The following CNTN1 variants were observed in gnomAD, a reference collection of about 807,000 sequenced individuals.
The protein encoded by CNTN1 is contactin 1.
A neutral mutation model predicts 126.4 loss-of-function variants in CNTN1; 38 were observed. The ratio of observed to expected loss-of-function variants is 0.30; its 90% confidence interval spans 0.23 to 0.39. The LOEUF is 0.39. Among genes scored for constraint, CNTN1 ranks in the 10% least tolerant of loss-of-function variants. CNTN1 has a pLI of 1.00. For synonymous variants in CNTN1, 413 were observed against 422.6 expected (o/e 0.98, Z 0.28); for missense variants, 1,009 against 1,248.4 (o/e 0.81, Z 2.89).
At chr12:41,024,950 C>T (rs1036090679) in intron 20 of CNTN1, among the ~76,000 whole-genome samples, 200 bp from the exon 21 acceptor site, 6 of 151,748 alleles carry the variant, frequency 4.0e-5, no homozygotes, top group Non-Finnish European at 5.9e-5. Context: ...GACTTTGATT[C>T]GCTTTTGGCA....
intron 1 of CNTN1, among the ~76,000 whole-genome samples, chr12:40,797,735 TA>T (rs564588346): frequency 1.3e-5 from 2 of 152,032 alleles, no homozygotes; most frequent in Non-Finnish European, 2.9e-5. Context: ...TGGCTTGGAC[TA>T]GGTTAATGGC....
At chr12:40,769,576 CAGCAATGTGAGGGCTTAT>C (rs1390117939) in intron 1 of CNTN1, among the ~76,000 whole-genome samples, 1 of 152,074 alleles carries the variant, frequency 6.6e-6, no homozygotes, top group African/African-American at 2.4e-5. Flanking sequence ...AGGAAACAAC[CAGCAATGTGAGGGCTTAT>C]TTAGTTAGAT....
intron 1 of CNTN1, among the ~76,000 whole-genome samples, chr12:40,701,425 G>T (rs1941592831): frequency 6.6e-6 from 1 of 151,836 alleles, no homozygotes; most frequent in Non-Finnish European, 1.5e-5. Context: ...CTCTCCTAAG[G>T]CTTCTAATCT....
intron 14 of CNTN1, among the ~76,000 whole-genome samples, chr12:40,956,062 C>T (rs566820282): frequency 6.6e-6 from 1 of 152,204 alleles, no homozygotes; most frequent in South Asian, 2.1e-4. Flanking sequence ...TTAGTAAATG[C>T]TGTCACTGTC....
At chr12:40,749,548 G>GTGCAGGGCTTCAGTGAAGCGGT (rs1555150237) in intron 1 of CNTN1, among the ~76,000 whole-genome samples, 5 of 143,806 alleles carry the variant, frequency 3.5e-5, no homozygotes, top group South Asian at 2.2e-4. Context: ...ACTAGGGTGA[G>GTGCAGGGCTTCAGTGAAGCGGT]GTCATAAAGA....
chr12:40,760,853 A>ACACT (rs1004424069), intron 1 of CNTN1, among the ~76,000 whole-genome samples: 3 of 151,470 alleles, frequency 2.0e-5, no homozygotes, highest in Non-Finnish European at 4.4e-5. Context: ...ACACACACAC[A>ACACT]CACTTCCACT....
chr12:40,930,639 A>G (rs547136225), intron 7 of CNTN1, among the ~76,000 whole-genome samples: 29 of 151,878 alleles, frequency 1.9e-4, no homozygotes, highest in African/African-American at 5.8e-4. Context: ...CTTACTTTAC[A>G]TTATTTCTAT....
intron 1 of CNTN1, among the ~76,000 whole-genome samples, chr12:40,708,862 AC>A (rs1941837927): frequency 1.3e-5 from 2 of 152,136 alleles, no homozygotes; most frequent in African/African-American, 4.8e-5. Context: ...TTCGAGCTCC[AC>A]TTCTAATTCT....
intron 12 of CNTN1, among the ~76,000 whole-genome samples, chr12:40,943,227 C>T (rs947717302): frequency 7.2e-5 from 11 of 151,998 alleles, no homozygotes; most frequent in Non-Finnish European, 1.3e-4. Flanking sequence ...TTCTCTGTAG[C>T]CATGGAAATG....
intron 1 of CNTN1, among the ~76,000 whole-genome samples, chr12:40,722,620 A>G (rs1942246369): frequency 6.6e-6 from 1 of 152,152 alleles, no homozygotes; most frequent in African/African-American, 2.4e-5. Flanking sequence ...ATACGTACAC[A>G]CACATGCACG....
intron 1 of CNTN1, among the ~76,000 whole-genome samples, chr12:40,705,674 A>C (rs1389001133): frequency 6.6e-6 from 1 of 152,144 alleles, no homozygotes; most frequent in African/African-American, 2.4e-5. Context: ...ATGTTGTGTT[A>C]GTCCATTCCT....
chr12:40,992,978 T>C, intron 16 of CNTN1, 142 bp from the exon 17 acceptor site: 1 of 706,560 alleles, frequency 1.4e-6, no homozygotes. Context: ...GAATTTAACA[T>C]TTTGTCATTC....
intron 15 of CNTN1, among the ~76,000 whole-genome samples, chr12:40,972,933 A>G (rs1381771561): frequency 6.6e-6 from 1 of 152,064 alleles, no homozygotes; most frequent in Non-Finnish European, 1.5e-5. Flanking sequence ...GGTTAGTTAC[A>G]TATGTATACA....
intron 1 of CNTN1, among the ~76,000 whole-genome samples, chr12:40,887,324 A>T (rs533928109): frequency 6.6e-6 from 1 of 152,264 alleles, no homozygotes; most frequent in East Asian, 1.9e-4. Context: ...CAAGAAAAAA[A>T]CAAAAAACCC....
At chr12:40,799,683 A>G (rs1940571559) in intron 1 of CNTN1, among the ~76,000 whole-genome samples, 1 of 152,038 alleles carries the variant, frequency 6.6e-6, no homozygotes. Flanking sequence ...CTAGATGTGT[A>G]CAATACAGAA....
chr12:40,761,414 T>C (rs1163344965), intron 1 of CNTN1, among the ~76,000 whole-genome samples: 1 of 152,130 alleles, frequency 6.6e-6, no homozygotes, highest in Non-Finnish European at 1.5e-5. Context: ...TTCTTTAATC[T>C]GCGGTTTCCT....
At chr12:41,029,592 T>A (rs1045973992) in intron 23 of CNTN1, among the ~76,000 whole-genome samples, 1 of 152,168 alleles carries the variant, frequency 6.6e-6, no homozygotes, top group Non-Finnish European at 1.5e-5. Flanking sequence ...ATATATTTAA[T>A]CTTTGTCAGT....
intron 1 of CNTN1, among the ~76,000 whole-genome samples, chr12:40,895,686 A>C (rs2136747068): frequency 1.3e-5 from 2 of 152,202 alleles, no homozygotes; most frequent in Admixed American, 1.3e-4. Flanking sequence ...CCAACACATG[A>C]AATCTGGGGG....
In CNTN1 at chr12:40,933,719, C is replaced by T. The variant is rs144047921; in HGVS notation, c.826C>T (p.Arg276Trp). 85 of 1,612,582 alleles carry T rather than the reference C, an allele frequency of 5.3e-5. No homozygotes were observed. The highest frequency in any genetic ancestry group is 6.5e-5 in the Non-Finnish European group (77 of 1,179,072). ...LGNPVPDIRW[R>W]KVLEPMPSTA... is the part of the protein sequence containing the mutation. Reference sequence around the variant, plus strand: ...AAGTCCTGTTCCGGATATCCGATGGCGGAAGGTTCTAGAACCAATGCCAAG... The same window carrying T: ...AAGTCCTGTTCCGGATATCCGATGGTGGAAGGTTCTAGAACCAATGCCAAG... The change falls in exon 9 of 24, where the codon CGG becomes TGG. Residue 276 changes from arginine to tryptophan, a missense_variant. Physicochemically the swap from Arg to Trp is moderately radical, Grantham distance 101. Coordinates refer to ENST00000551295, the MANE Select transcript of CNTN1 (RefSeq NM_001843.4).
Sources: gnomAD v4.1 joint callset for allele counts (sites outside exome capture counted in the v4.1 genomes callset) on GRCh38, gnomAD v4.1.1 for gene constraint, MANE v1.5 for transcripts, NCBI Gene and HGNC (gene_info 2026-07-23, HGNC 2026-07-21) for gene names.